Variants in FMN1 observed in about 807,000 individuals in gnomAD.
FMN1 encodes formin-1.
A neutral mutation model predicts 132.4 loss-of-function variants in FMN1; 110 were observed. That is an observed-to-expected ratio of 0.83 (90% CI 0.71 to 0.97). The LOEUF (loss-of-function observed/expected upper bound fraction) is 0.97. Among genes scored for constraint, FMN1 ranks in the 50% least tolerant of loss-of-function variants. FMN1 has a pLI of 0.00. For synonymous variants in FMN1, 722 were observed against 651.7 expected, an observed-to-expected ratio of 1.11 and a Z score of -1.64; for missense variants, 1,792 against 1,705.3, an observed-to-expected ratio of 1.05 and a Z score of -0.90.
chr15:32,820,100 A>G (rs2058169124), intron 17 of FMN1, among the ~76,000 whole-genome samples: 1 of 152,208 alleles, frequency 6.6e-6, no homozygotes, highest in Admixed American at 6.5e-5. Context: ...ACCAAAATCC[A>G]TCAATACAAC....
chr15:33,059,228 C>A (rs556702650), intron 6 of FMN1, among the ~76,000 whole-genome samples: 35 of 152,246 alleles, frequency 2.3e-4, no homozygotes, highest in Non-Finnish European at 5.0e-4. Context: ...GAATTCCCCC[C>A]ACCCTTTTAA....
intron 6 of FMN1, among the ~76,000 whole-genome samples, chr15:33,043,489 G>T (rs1390569999): frequency 6.6e-6 from 1 of 152,340 alleles, no homozygotes; most frequent in Admixed American, 6.5e-5. Context: ...CCATGTGGCT[G>T]CGCAAGAATC....
intron 7 of FMN1, among the ~76,000 whole-genome samples, chr15:32,981,518 A>G (rs1440137335): frequency 1.4e-5 from 2 of 140,634 alleles, no homozygotes; most frequent in Non-Finnish European, 3.1e-5. Context: ...ACTCCATCTC[A>G]AATAATAATA....
intron 6 of FMN1, among the ~76,000 whole-genome samples, chr15:33,024,939 ATTATT>A (rs1407505342): frequency 6.6e-6 from 1 of 152,162 alleles, no homozygotes; most frequent in Non-Finnish European, 1.5e-5. Context: ...TCTAACAAAC[ATTATT>A]TTGAGAGAAA....
intron 6 of FMN1, among the ~76,000 whole-genome samples, chr15:33,046,095 A>G (rs1207218781): frequency 6.6e-6 from 1 of 152,106 alleles, no homozygotes; most frequent in Non-Finnish European, 1.5e-5. Context: ...AATGTATATT[A>G]TATCACATAT....
chr15:33,030,441 G>A (rs2035884115), intron 6 of FMN1, among the ~76,000 whole-genome samples: 2 of 152,162 alleles, frequency 1.3e-5, no homozygotes, highest in African/African-American at 2.4e-5. Flanking sequence ...GTGGATCTAC[G>A]TTCTGACTTA....
intron 4 of FMN1, among the ~76,000 whole-genome samples, chr15:33,126,189 T>C (rs902648579): frequency 2.0e-5 from 3 of 151,824 alleles, no homozygotes; most frequent in African/African-American, 4.9e-5. Flanking sequence ...ATTAGAGACA[T>C]GGTGTGTTAT....
At chr15:32,865,699 G>C (rs1284624613) in intron 16 of FMN1, among the ~76,000 whole-genome samples, 2 of 151,972 alleles carry the variant, frequency 1.3e-5, no homozygotes, top group African/African-American at 4.8e-5. Flanking sequence ...AGCCAGGCGT[G>C]GTGGCGCATG....
At position 33,029,444 on chromosome 15, in the gene FMN1, G is replaced by A. The variant is rs114186755; in HGVS notation, c.2162-21369C>T. ...ATGGAAAATACTTGAAATAGCAGCT[G>A]TTGAGAGTCGCGTGTAGACTAGGAA... On this transcript the variant is annotated intron_variant, in intron 6 of 20. Transcript: ENST00000616417. 4.3e-3 allele frequency among the ~76,000 whole-genome samples: 654 copies of A among 152,228 alleles called. 6 individuals are homozygous for A. Among genetic ancestry groups the A allele is most frequent in the African/African-American group, 0.015 (631 of 41,536 alleles).
At chr15:33,084,884 T>A (rs1357426822) in intron 5 of FMN1, among the ~76,000 whole-genome samples, 1 of 152,206 alleles carries the variant, frequency 6.6e-6, no homozygotes, top group African/African-American at 2.4e-5. Context: ...ATGTTTTACC[T>A]TTCATCACGT....
intron 4 of FMN1, among the ~76,000 whole-genome samples, chr15:33,094,316 A>G (rs1284946191): frequency 2.0e-5 from 3 of 152,224 alleles, no homozygotes; most frequent in African/African-American, 4.8e-5. Context: ...TGGGGGATAG[A>G]TAGATTTGAT....
intron 16 of FMN1, among the ~76,000 whole-genome samples, chr15:32,872,067 T>A (rs1179040714): frequency 6.6e-6 from 1 of 151,682 alleles, no homozygotes; most frequent in Non-Finnish European, 1.5e-5. Flanking sequence ...AAGGCCCTAA[T>A]GTGTCACGTT....
At chr15:32,991,741 G>A (rs182509743) in intron 7 of FMN1, among the ~76,000 whole-genome samples, 136 of 152,230 alleles carry the variant, frequency 8.9e-4, no homozygotes, top group South Asian at 4.6e-3. Flanking sequence ...ATCACATAAT[G>A]CACAGTTAGA....
chr15:33,005,536 A>G (rs57123448), intron 7 of FMN1, among the ~76,000 whole-genome samples: 2,457 of 152,326 alleles, frequency 0.016, 66 homozygotes, highest in African/African-American at 0.053. Flanking sequence ...TTTGAGATAT[A>G]TAAGATCATA....
At chr15:32,983,287 G>A (rs968523803) in intron 7 of FMN1, among the ~76,000 whole-genome samples, 2 of 152,178 alleles carry the variant, frequency 1.3e-5, no homozygotes, top group African/African-American at 4.8e-5. Context: ...ATGGTTCTAT[G>A]GATATGACGT....
chr15:32,834,218 G>A (rs1445971841), intron 17 of FMN1, among the ~76,000 whole-genome samples: 1 of 152,148 alleles, frequency 6.6e-6, no homozygotes, highest in Admixed American at 6.5e-5. Flanking sequence ...TTATATTTCT[G>A]TTAATATCAA....
intron 17 of FMN1, among the ~76,000 whole-genome samples, chr15:32,815,293 C>T (rs1457678140): frequency 1.3e-5 from 2 of 152,102 alleles, no homozygotes; most frequent in African/African-American, 2.4e-5. Flanking sequence ...AAAAGCAACT[C>T]TCATTTTTTT....
At chr15:32,870,125 A>C (rs2059481526) in intron 16 of FMN1, among the ~76,000 whole-genome samples, 1 of 152,210 alleles carries the variant, frequency 6.6e-6, no homozygotes, top group Non-Finnish European at 1.5e-5. Context: ...TTTAGTTCTT[A>C]TCTGCCTGGG....
intron 6 of FMN1, among the ~76,000 whole-genome samples, chr15:33,016,198 G>A (rs2035036429): frequency 6.6e-6 from 1 of 152,088 alleles, no homozygotes; most frequent in South Asian, 2.1e-4. Context: ...GATGACATTT[G>A]AAAAAATATG....
Sources: allele counts gnomAD v4.1 joint callset (sites outside exome capture counted in the v4.1 genomes callset), GRCh38; gene constraint gnomAD v4.1.1; transcripts MANE v1.5; gene names NCBI Gene and HGNC (gene_info 2026-07-23, HGNC 2026-07-21).